Variants in GRID2 observed in about 807,000 individuals in gnomAD.
The protein encoded by GRID2 is glutamate receptor ionotropic, delta-2.
Under a neutral mutation model 114.8 loss-of-function variants are expected in GRID2, and 33 were observed. The observed-to-expected ratio is 0.29, with a 90% CI of 0.22 to 0.38. GRID2 has a LOEUF of 0.38. GRID2 is among the 10% of genes least tolerant of loss of function. The probability of loss-of-function intolerance (pLI) is 1.00; values close to 1 mark genes in which losing one functional copy is unlikely to be tolerated. For synonymous variants in GRID2, 505 were observed against 449.9 expected, an observed-to-expected ratio of 1.12 and a Z score of -1.55; for missense variants, 1,184 against 1,257.7, an observed-to-expected ratio of 0.94 and a Z score of 0.89.
intron 14 of GRID2, among the ~76,000 whole-genome samples, chr4:93,718,434 C>T (rs1288667582): frequency 7.2e-5 from 11 of 151,996 alleles, no homozygotes; most frequent in Admixed American, 5.3e-4. Flanking sequence ...GTTCCAATGA[C>T]GTAATGGTCA....
At chr4:92,329,258 G>T (rs978683058) in intron 1 of GRID2, among the ~76,000 whole-genome samples, 4 of 151,920 alleles carry the variant, frequency 2.6e-5, no homozygotes, top group African/African-American at 9.7e-5. Flanking sequence ...GAAGCTGATA[G>T]TACAGAACTG....
chr4:93,535,042 G>C (rs1731895551), intron 13 of GRID2, among the ~76,000 whole-genome samples: 1 of 151,676 alleles, frequency 6.6e-6, no homozygotes, highest in Non-Finnish European at 1.5e-5. Flanking sequence ...CCAGGCTCTG[G>C]TAACGACCAT....
At chr4:92,636,129 T>G (rs1731053181) in intron 2 of GRID2, among the ~76,000 whole-genome samples, 1 of 151,992 alleles carries the variant, frequency 6.6e-6, no homozygotes, top group Non-Finnish European at 1.5e-5. Context: ...GGATACTGAT[T>G]TTACTGTTAG....
intron 2 of GRID2, among the ~76,000 whole-genome samples, chr4:92,615,324 CATCTAA>C (rs1393985294): frequency 6.6e-6 from 1 of 151,520 alleles, no homozygotes; most frequent in Non-Finnish European, 1.5e-5. Flanking sequence ...CTATTGACCT[CATCTAA>C]ATCCAATTAC....
chr4:92,518,123 C>T (rs954296395), intron 1 of GRID2, among the ~76,000 whole-genome samples: 5 of 151,794 alleles, frequency 3.3e-5, no homozygotes, highest in African/African-American at 1.2e-4. Context: ...CTCTCTCTTT[C>T]TCTCTCCCTT....
At position 92,352,942 on chromosome 4, in the gene GRID2, A is replaced by G. The variant is rs578113172; in HGVS notation, c.88+48198A>G. The stretch of plus-strand genomic sequence containing the variant: ...TTCCATCAAGTTTGAGTTTTGGCTA[A>G]AGGTTTTTGTTATTATTTCTTTAAA... On this transcript the variant is annotated intron_variant, in intron 1 of 15. Coordinates refer to ENST00000282020, the MANE Select transcript of GRID2 (RefSeq NM_001510.4). 7.9e-5 allele frequency among the ~76,000 whole-genome samples: 12 copies of G among 151,742 alleles called. No individual in the cohort carries two copies. The East Asian group carries it at 1.8e-3, about 22-fold the overall frequency.
intron 1 of GRID2, among the ~76,000 whole-genome samples, chr4:92,561,947 T>C (rs1371271973): frequency 6.6e-6 from 1 of 152,192 alleles, no homozygotes; most frequent in East Asian, 1.9e-4. Flanking sequence ...ATTCAAGATA[T>C]TTATAAAATC....
intron 2 of GRID2, among the ~76,000 whole-genome samples, chr4:92,733,658 A>C (rs751413385): frequency 1.3e-5 from 2 of 152,130 alleles, no homozygotes; most frequent in Admixed American, 6.6e-5. Context: ...CCTCTTGCTC[A>C]ACAATTTCTA....
At chr4:93,580,092 A>T (rs1178025895) in intron 13 of GRID2, among the ~76,000 whole-genome samples, 1 of 152,226 alleles carries the variant, frequency 6.6e-6, no homozygotes, top group African/African-American at 2.4e-5. Context: ...TGTACAATTA[A>T]TATAAAAAAG....
intron 3 of GRID2, among the ~76,000 whole-genome samples, chr4:93,096,360 A>G (rs992934643): frequency 1.3e-5 from 2 of 152,034 alleles, no homozygotes; most frequent in African/African-American, 4.8e-5. Context: ...TCAAAATTAA[A>G]ACGTTCTGCT....
chr4:92,741,601 C>T (rs1284731714), intron 2 of GRID2, among the ~76,000 whole-genome samples: 1 of 152,152 alleles, frequency 6.6e-6, no homozygotes, highest in African/African-American at 2.4e-5. Flanking sequence ...CACTCTGCTT[C>T]TCATGTGGGA....
intron 1 of GRID2, among the ~76,000 whole-genome samples, chr4:93,802,183 A>G (rs1365180421): frequency 6.6e-6 from 1 of 152,248 alleles, no homozygotes; most frequent in African/African-American, 2.4e-5. Context: ...AAGAAACTCA[A>G]GTAGGCTTGA....
intron 2 of GRID2, among the ~76,000 whole-genome samples, chr4:92,812,354 A>T (rs1740702601): frequency 6.6e-6 from 1 of 152,114 alleles, no homozygotes; most frequent in Non-Finnish European, 1.5e-5. Context: ...AATAAAAAAG[A>T]GTGAAACAGA....
At chr4:93,140,896 T>C (rs1239104390) in intron 4 of GRID2, among the ~76,000 whole-genome samples, 1 of 152,164 alleles carries the variant, frequency 6.6e-6, no homozygotes, top group Non-Finnish European at 1.5e-5. Context: ...ATTCCTATCC[T>C]TGAGATGTCA....
At chr4:93,052,507 A>G (rs1379476116) in intron 2 of GRID2, among the ~76,000 whole-genome samples, 2 of 151,960 alleles carry the variant, frequency 1.3e-5, no homozygotes, top group Non-Finnish European at 2.9e-5. Context: ...ACAGCACATT[A>G]CTGTGCTGAA....
intron 4 of GRID2, among the ~76,000 whole-genome samples, chr4:93,142,184 G>A (rs908539889): frequency 6.6e-6 from 1 of 152,144 alleles, no homozygotes; most frequent in Non-Finnish European, 1.5e-5. Context: ...CTGCACTACA[G>A]CCTGGTTGAT....
intron 2 of GRID2, among the ~76,000 whole-genome samples, chr4:93,042,446 A>G (rs1368004820): frequency 1.4e-5 from 2 of 147,834 alleles, no homozygotes; most frequent in Admixed American, 6.8e-5. Context: ...TGTCCTCATT[A>G]GTTGGAATAC....
chr4:93,328,139 A>C (rs201771602), intron 8 of GRID2, among the ~76,000 whole-genome samples: 153 of 150,016 alleles, frequency 1.0e-3, no homozygotes, highest in African/African-American at 3.6e-3. Flanking sequence ...CAAAAAAAAA[A>C]CAAAAAACAT....
intron 11 of GRID2, among the ~76,000 whole-genome samples, chr4:93,459,908 C>T (rs1218574993): frequency 6.6e-6 from 1 of 152,146 alleles, no homozygotes; most frequent in Non-Finnish European, 1.5e-5. Flanking sequence ...TCCTCTTTCT[C>T]ATCTTGTATA....
Sources: gnomAD v4.1 joint callset for allele counts (sites outside exome capture counted in the v4.1 genomes callset) on GRCh38, gnomAD v4.1.1 for gene constraint, MANE v1.5 for transcripts, NCBI Gene and HGNC (gene_info 2026-07-23, HGNC 2026-07-21) for gene names.